The following PRKN variants were observed in gnomAD, a reference collection of about 807,000 sequenced individuals.
PRKN encodes the protein E3 ubiquitin-protein ligase parkin.
A neutral mutation model predicts 59.5 loss-of-function variants in PRKN; 56 were observed. The observed-to-expected ratio is 0.94, with a 90% CI of 0.76 to 1.18. The LOEUF is 1.18. PRKN is among the 50% of genes most tolerant of loss of function. PRKN has a pLI of 0.00. For synonymous variants in PRKN, 250 were observed against 222.1 expected (o/e 1.13, Z -1.12); for missense variants, 657 against 596.4 (o/e 1.10, Z -1.06).
intron 6 of PRKN, among the ~76,000 whole-genome samples, chr6:161,920,124 C>T (rs1778723043): frequency 6.6e-6 from 1 of 152,214 alleles, no homozygotes; most frequent in Admixed American, 6.5e-5. Flanking sequence ...TGGTTCACGC[C>T]TATAATCCCA....
intron 4 of PRKN, among the ~76,000 whole-genome samples, chr6:162,141,668 C>G (rs1781785917): frequency 6.6e-6 from 1 of 152,114 alleles, no homozygotes; most frequent in Admixed American, 6.6e-5. Flanking sequence ...TAAAAAGCAT[C>G]CAGTTGATTT....
rs892551801 is a variant in PRKN at position 162,198,065 on chromosome 6, T to C, written c.534+3066A>G. On this transcript the variant is annotated intron_variant, in intron 4 of 11. Transcript: ENST00000366898. ...ATACTGGAGTTGACATTTTGGCCCC[T>C]CAGGTAGGAAATGAAGAGAGGAGAG... Among the ~76,000 whole-genome samples the C allele has an allele frequency of 3.9e-5, 6 of 152,186 alleles. No homozygotes were observed. The South Asian group carries it at 1.2e-3, about 32-fold the overall frequency.
At chr6:162,182,260 A>C (rs1302496685) in intron 4 of PRKN, among the ~76,000 whole-genome samples, 1 of 152,192 alleles carries the variant, frequency 6.6e-6, no homozygotes, top group Non-Finnish European at 1.5e-5. Context: ...ATCAAACGCT[A>C]CACTTAAAAT....
At chr6:162,259,180 G>T (rs527351963) in intron 3 of PRKN, among the ~76,000 whole-genome samples, 2 of 152,268 alleles carry the variant, frequency 1.3e-5, no homozygotes, top group East Asian at 3.9e-4. Context: ...TGTTTTATGT[G>T]TTTAATATGT....
intron 4 of PRKN, among the ~76,000 whole-genome samples, chr6:162,084,018 G>C (rs6455797): frequency 0.078 from 11,797 of 151,946 alleles, 686 homozygotes; most frequent in African/African-American, 0.15. Context: ...ATTTTAGAAA[G>C]AATTGAAATA....
chr6:162,269,479 C>G (rs1780279870), intron 2 of PRKN: 1 of 152,196 alleles, frequency 6.6e-6, no homozygotes, highest in South Asian at 2.1e-4. Context: ...GCCCAATGCT[C>G]TATTTCAAAC....
chr6:162,451,408 G>T (rs1458857478), intron 1 of PRKN, among the ~76,000 whole-genome samples: 1 of 147,858 alleles, frequency 6.8e-6, no homozygotes. Flanking sequence ...GGAAAGATAT[G>T]ACAGATAATC....
chr6:161,769,560 G>T (rs1274319339), intron 7 of PRKN, among the ~76,000 whole-genome samples: 2 of 152,106 alleles, frequency 1.3e-5, no homozygotes, highest in Non-Finnish European at 2.9e-5. Flanking sequence ...TCTTTTCTCT[G>T]GTTCCTAGGC....
At chr6:162,023,015 G>A (rs1783269772) in intron 5 of PRKN, among the ~76,000 whole-genome samples, 1 of 152,086 alleles carries the variant, frequency 6.6e-6, no homozygotes, top group Non-Finnish European at 1.5e-5. Context: ...ATTGATATAT[G>A]TGTCCATTTT....
At chr6:161,430,780 A>C (rs1364137300) in intron 9 of PRKN, among the ~76,000 whole-genome samples, 1 of 136,054 alleles carries the variant, frequency 7.4e-6, no homozygotes, top group East Asian at 2.2e-4. Context: ...GCGCCACTGC[A>C]CTCCAGCCTG....
At chr6:161,632,892 C>T (rs141898277) in intron 7 of PRKN, among the ~76,000 whole-genome samples, 35 of 152,290 alleles carry the variant, frequency 2.3e-4, no homozygotes, top group African/African-American at 7.9e-4. Flanking sequence ...GATTCAATTA[C>T]CTCCCACTAG....
chr6:162,161,265 C>T (rs1395495971), intron 4 of PRKN, among the ~76,000 whole-genome samples: 1 of 152,126 alleles, frequency 6.6e-6, no homozygotes, highest in Non-Finnish European at 1.5e-5. Context: ...CTGGAAGGTA[C>T]AAAGAGGACA....
chr6:162,223,704 T>C (rs1778040430), intron 3 of PRKN, among the ~76,000 whole-genome samples: 1 of 147,980 alleles, frequency 6.8e-6, no homozygotes, highest in Admixed American at 6.7e-5. Flanking sequence ...TTTCTACAAA[T>C]ACACTACACA....
intron 2 of PRKN, among the ~76,000 whole-genome samples, chr6:162,311,338 G>C (rs76023159): frequency 0.038 from 5,794 of 152,118 alleles, 349 homozygotes; most frequent in African/African-American, 0.13. Flanking sequence ...TCACTGATCT[G>C]GGTCTAATCA....
chr6:162,217,562 G>A (rs1255129887), intron 3 of PRKN, among the ~76,000 whole-genome samples: 1 of 151,870 alleles, frequency 6.6e-6, no homozygotes, highest in Non-Finnish European at 1.5e-5. Flanking sequence ...TTTTTTGTGT[G>A]TGTATTTTTA....
At chr6:162,238,957 A>G (rs1232321928) in intron 3 of PRKN, among the ~76,000 whole-genome samples, 1 of 152,196 alleles carries the variant, frequency 6.6e-6, no homozygotes, top group African/African-American at 2.4e-5. Context: ...TTACTATGAT[A>G]CTGGAGACCA....
intron 9 of PRKN, among the ~76,000 whole-genome samples, chr6:161,482,624 C>T (rs1323333236): frequency 6.6e-6 from 1 of 152,176 alleles, no homozygotes; most frequent in African/African-American, 2.4e-5. Flanking sequence ...GGCAGGGAAG[C>T]ATGAAGAATG....
intron 6 of PRKN, among the ~76,000 whole-genome samples, chr6:161,836,938 T>C (rs1792780835): frequency 6.6e-6 from 1 of 152,170 alleles, no homozygotes; most frequent in South Asian, 2.1e-4. Flanking sequence ...TCAGTTTGCA[T>C]TTGGCTCACC....
At chr6:161,886,752 A>T (rs1344144774) in intron 6 of PRKN, among the ~76,000 whole-genome samples, 10 of 128,768 alleles carry the variant, frequency 7.8e-5, no homozygotes, top group African/African-American at 1.8e-4. Flanking sequence ...ATAATAAAAT[A>T]AAAAAAAATA....
Sources: gnomAD v4.1 joint callset for allele counts (sites outside exome capture counted in the v4.1 genomes callset) on GRCh38, gnomAD v4.1.1 for gene constraint, MANE v1.5 for transcripts, NCBI Gene and HGNC (gene_info 2026-07-23, HGNC 2026-07-21) for gene names.